The following SLC4A4 variants were observed in gnomAD, a reference collection of about 807,000 sequenced individuals.
SLC4A4 encodes the protein electrogenic sodium bicarbonate cotransporter 1.
In SLC4A4, 27 loss-of-function variants were observed where a neutral mutation model predicts 111.5. The ratio of observed to expected loss-of-function variants is 0.24; its 90% CI spans 0.18 to 0.33. The LOEUF (loss-of-function observed/expected upper bound fraction) is 0.33, where lower values mean the gene tolerates loss of function less well. Among genes scored for constraint, SLC4A4 ranks in the 10% least tolerant of loss-of-function variants. The pLI, the probability that SLC4A4 is intolerant of heterozygous loss-of-function variation, is 1.00. For synonymous variants in SLC4A4, 443 were observed against 463.4 expected (o/e 0.96, Z 0.57); for missense variants, 909 against 1,315.5 (o/e 0.69, Z 4.78).
chr4:71,558,959 T>C (rs1736722397), intron 22 of SLC4A4, among the ~76,000 whole-genome samples: 2 of 151,938 alleles, frequency 1.3e-5, no homozygotes, highest in Admixed American at 1.3e-4. Context: ...CAAATTTTGC[T>C]GAAACCAAGA....
chr4:71,223,642 T>G (rs1578621849), intron 1 of SLC4A4, among the ~76,000 whole-genome samples: 1 of 152,242 alleles, frequency 6.6e-6, no homozygotes, highest in East Asian at 1.9e-4. Flanking sequence ...GTGGGCCTCC[T>G]AGATTGAGTA....
chr4:71,405,414 T>C (rs1720751731), intron 7 of SLC4A4, among the ~76,000 whole-genome samples: 1 of 152,158 alleles, frequency 6.6e-6, no homozygotes, highest in Non-Finnish European at 1.5e-5. Context: ...AACAATACCA[T>C]GGACACCTAC....
intron 2 of SLC4A4, among the ~76,000 whole-genome samples, chr4:71,117,958 C>A (rs1398262557): frequency 6.6e-6 from 1 of 151,206 alleles, no homozygotes; most frequent in Non-Finnish European, 1.5e-5. Flanking sequence ...CTCACTGTAA[C>A]CTCCACCTCT....
At chr4:71,394,051 A>T (rs745482010) in intron 6 of SLC4A4, among the ~76,000 whole-genome samples, 3 of 152,210 alleles carry the variant, frequency 2.0e-5, no homozygotes, top group Admixed American at 1.3e-4. Context: ...ACCTGCAACT[A>T]TAAAAATTAT....
At chr4:71,247,906 T>C (rs1720794676) in intron 2 of SLC4A4, among the ~76,000 whole-genome samples, 1 of 152,098 alleles carries the variant, frequency 6.6e-6, no homozygotes, top group Non-Finnish European at 1.5e-5. Flanking sequence ...TTCTGTCTCG[T>C]TGGAGCAAGT....
intron 14 of SLC4A4, among the ~76,000 whole-genome samples, chr4:71,484,467 C>A (rs1005291760): frequency 6.6e-6 from 1 of 151,638 alleles, no homozygotes; most frequent in African/African-American, 2.4e-5. Flanking sequence ...TGTTGAAGAT[C>A]AGATAGTTGT....
intron 12 of SLC4A4, 101 bp from the exon 13 acceptor site, chr4:71,466,343 C>A: frequency 7.6e-7 from 1 of 1,323,324 alleles, no homozygotes; most frequent in Non-Finnish European, 1.1e-6. Flanking sequence ...TGCTAAGACC[C>A]TCCTAATAGT....
At chr4:71,466,127 T>G (rs1312536186) in intron 12 of SLC4A4, among the ~76,000 whole-genome samples, 1 of 152,152 alleles carries the variant, frequency 6.6e-6, no homozygotes, top group East Asian at 1.9e-4. Flanking sequence ...GATTCTGACG[T>G]GTAGAAGCTT....
chr4:71,526,117 TA>T (rs142478493), intron 16 of SLC4A4, among the ~76,000 whole-genome samples: 2 of 152,156 alleles, frequency 1.3e-5, no homozygotes, highest in East Asian at 3.9e-4. Flanking sequence ...TAGTATAGAG[TA>T]AGACATGAAT....
intron 2 of SLC4A4, among the ~76,000 whole-genome samples, chr4:71,167,778 AT>A (rs1211863590): frequency 1.3e-5 from 2 of 152,104 alleles, no homozygotes; most frequent in Admixed American, 1.3e-4. Context: ...AAATGGCACC[AT>A]TTCCAAAACA....
chr4:71,069,954 G>A (rs1475834718), intron 1 of SLC4A4, among the ~76,000 whole-genome samples: 1 of 152,060 alleles, frequency 6.6e-6, no homozygotes, highest in Non-Finnish European at 1.5e-5. Flanking sequence ...AATAGAAATG[G>A]GAACCAGCTG....
intron 1 of SLC4A4, among the ~76,000 whole-genome samples, chr4:71,207,405 G>C (rs1717837401): frequency 6.6e-6 from 1 of 152,166 alleles, no homozygotes; most frequent in Non-Finnish European, 1.5e-5. Context: ...CATGTGTGAG[G>C]ATAAATTTAT....
chr4:71,166,588 G>T (rs939009296), intron 2 of SLC4A4, among the ~76,000 whole-genome samples: 10 of 152,314 alleles, frequency 6.6e-5, no homozygotes, highest in Non-Finnish European at 1.5e-4. Flanking sequence ...AGAGGTATCT[G>T]CAGGAAAACT....
intron 2 of SLC4A4, among the ~76,000 whole-genome samples, chr4:71,137,686 T>C (rs188888454): frequency 3.5e-4 from 53 of 152,344 alleles, no homozygotes; most frequent in African/African-American, 1.3e-3. Context: ...CCTGTCCACC[T>C]TGGAAACTTG....
intron 1 of SLC4A4, among the ~76,000 whole-genome samples, chr4:71,213,908 T>C (rs1169745871): frequency 6.6e-6 from 1 of 152,172 alleles, no homozygotes; most frequent in Non-Finnish European, 1.5e-5. Flanking sequence ...GTCTTCAGAA[T>C]TGTGAGAAAT....
At chr4:71,260,642 G>A (rs1721789904) in intron 3 of SLC4A4, among the ~76,000 whole-genome samples, 1 of 152,144 alleles carries the variant, frequency 6.6e-6, no homozygotes, top group South Asian at 2.1e-4. Context: ...CTTACAGTTT[G>A]CCTTTTCAGA....
intron 13 of SLC4A4, among the ~76,000 whole-genome samples, chr4:71,468,769 G>T (rs2149102791): frequency 6.6e-6 from 1 of 150,802 alleles, no homozygotes; most frequent in East Asian, 2.0e-4. Flanking sequence ...CAGTAAGTCT[G>T]GGAAGTGCTG....
intron 1 of SLC4A4, among the ~76,000 whole-genome samples, chr4:71,199,676 G>T (rs1373118551): frequency 6.6e-6 from 1 of 152,084 alleles, no homozygotes; most frequent in Non-Finnish European, 1.5e-5. Flanking sequence ...TTGAGACGGA[G>T]TCTTGCTTTG....
chr4:71,337,912 C>A (rs1728564163), intron 3 of SLC4A4, among the ~76,000 whole-genome samples: 1 of 152,146 alleles, frequency 6.6e-6, no homozygotes, highest in Admixed American at 6.5e-5. Context: ...TCACTGCAAC[C>A]TCTGTCTCCC....
Sources: allele counts gnomAD v4.1 joint callset (sites outside exome capture counted in the v4.1 genomes callset), GRCh38; gene constraint gnomAD v4.1.1; transcripts MANE v1.5; gene names NCBI Gene and HGNC (gene_info 2026-07-23, HGNC 2026-07-21).